Variants in TENM2 observed in about 807,000 individuals in gnomAD.
TENM2 encodes teneurin-2.
TENM2 carries 52 observed loss-of-function variants against 245.2 expected under a neutral mutation model. The ratio of observed to expected loss-of-function variants is 0.21; its 90% CI spans 0.17 to 0.27. The LOEUF (loss-of-function observed/expected upper bound fraction) is 0.27. Among genes scored for constraint, TENM2 ranks in the 10% least tolerant of loss-of-function variants. The pLI is 1.00. For missense variants in TENM2, 3,046 were observed against 3,666.8 expected, an observed-to-expected ratio of 0.83 and a Z score of 4.37; for synonymous variants, 1,363 against 1,438.9, an observed-to-expected ratio of 0.95 and a Z score of 1.19.
At chr5:168,070,824 AAAG>A (rs1790946159) in intron 7 of TENM2, among the ~76,000 whole-genome samples, 5 of 145,756 alleles carry the variant, frequency 3.4e-5, no homozygotes, top group East Asian at 3.9e-4. Context: ...AGAGAGAAAA[AAAG>A]AAAGAAGAAA....
At chr5:167,839,571 G>GTA (rs1769299138) in intron 2 of TENM2, among the ~76,000 whole-genome samples, 1 of 152,002 alleles carries the variant, frequency 6.6e-6, no homozygotes, top group Non-Finnish European at 1.5e-5. Flanking sequence ...GTGTGTGTGT[G>GTA]TGTATGTATG....
chr5:167,631,169 G>GA (rs974387393), intron 2 of TENM2, among the ~76,000 whole-genome samples: 6 of 150,588 alleles, frequency 4.0e-5, no homozygotes, highest in South Asian at 2.1e-4. Flanking sequence ...TTACAGTTGA[G>GA]AAAAAAAAAG....
rs528403484 is a variant in TENM2 at position 168,108,242 on chromosome 5, G to C, written c.1814-10050G>C. On this transcript the variant is annotated intron_variant, in intron 9 of 28. Transcript: ENST00000518659. Reference sequence around the variant, plus strand: ...GGAATGAAAAAAGAATGAAAGAAAAGTTTACAGAAAAGAAATGCCATTTAT... The same window carrying C: ...GGAATGAAAAAAGAATGAAAGAAAACTTTACAGAAAAGAAATGCCATTTAT... Among the ~76,000 whole-genome samples the C allele has an allele frequency of 2.0e-5, 3 of 152,192 alleles. No individual in the cohort carries two copies. The East Asian group carries it at 5.8e-4, about 29-fold the overall frequency.
At chr5:168,152,052 C>T (rs1421668674) in intron 12 of TENM2, among the ~76,000 whole-genome samples, 1 of 152,306 alleles carries the variant, frequency 6.6e-6, no homozygotes, top group East Asian at 1.9e-4. Context: ...CACCATGAAC[C>T]CACCCTGCTA....
In TENM2 at chr5:168,159,498, A is replaced by C. The variant is rs62383438; in HGVS notation, c.2423-3113A>C. On this transcript the variant is annotated intron_variant, in intron 12 of 28. Transcript: ENST00000518659. ...CTACCTCATACCCATTTTGCCCTCC[A>C]GACTAATTACTTCCTAGGTTTTGTT... is the stretch of plus-strand genomic sequence containing the variant. 3.4e-3 allele frequency among the ~76,000 whole-genome samples: 513 copies of C among 152,298 alleles called. 3 individuals are homozygous for C. Among genetic ancestry groups the C allele is most frequent in the South Asian group, 9.7e-3 (47 of 4,822 alleles).
chr5:168,171,846 G>A (rs984929837), intron 13 of TENM2, among the ~76,000 whole-genome samples: 1 of 152,238 alleles, frequency 6.6e-6, no homozygotes, highest in East Asian at 1.9e-4. Flanking sequence ...CTGGTGGCAA[G>A]GAGGTGATAT....
chr5:168,260,431 C>T lies in TENM2; in HGVS notation c.7563+18C>T. 1 of 1,612,124 alleles carries T rather than the reference C, an allele frequency of 6.2e-7. No homozygotes were observed. The highest frequency in any genetic ancestry group is 1.1e-5 in the South Asian group (1 of 90,824). ...ATGGACAGGTAAGCAGAGGTTCCTG[C>T]CAAGAATCCAAATGATTGTCATCAT... On this transcript the variant is annotated intron_variant, in intron 28 of 28. Coordinates refer to ENST00000518659, the Ensembl canonical transcript of TENM2.
chr5:167,683,537 T>C (rs1017424952), intron 2 of TENM2, among the ~76,000 whole-genome samples: 1 of 152,220 alleles, frequency 6.6e-6, no homozygotes, highest in Non-Finnish European at 1.5e-5. Context: ...AAGCTACTGA[T>C]AATTGGGTTT....
At chr5:167,628,007 G>A (rs893676761) in intron 2 of TENM2, among the ~76,000 whole-genome samples, 6 of 152,160 alleles carry the variant, frequency 3.9e-5, no homozygotes, top group Admixed American at 1.3e-4. Context: ...AGAACTTTAC[G>A]GTAGAACGGC....
At chr5:168,133,297 G>A (rs1435692177) in intron 12 of TENM2, among the ~76,000 whole-genome samples, 1 of 152,222 alleles carries the variant, frequency 6.6e-6, no homozygotes, top group Non-Finnish European at 1.5e-5. Context: ...AAAGTAGGTA[G>A]TGATATTAGG....
chr5:168,234,917 G>A (rs1023398198), intron 25 of TENM2, among the ~76,000 whole-genome samples: 1 of 152,152 alleles, frequency 6.6e-6, no homozygotes, highest in South Asian at 2.1e-4. Context: ...AAGAAGAAGT[G>A]GGAGTTAGTA....
At chr5:167,210,986 T>G in the TENM2 span, among the ~76,000 whole-genome samples, 2 of 152,060 alleles carry the variant, frequency 1.3e-5, no homozygotes, top group African/African-American at 4.8e-5. Flanking sequence ...CAGAGTAGAC[T>G]GTGGGAAGTG....
At chr5:167,362,822 T>A (rs952591424) in intron 1 of TENM2, among the ~76,000 whole-genome samples, 1 of 152,194 alleles carries the variant, frequency 6.6e-6, no homozygotes, top group Non-Finnish European at 1.5e-5. Context: ...TAGAACCCCA[T>A]TTCATTGCTT....
chr5:167,145,734 T>C, the TENM2 span, among the ~76,000 whole-genome samples: 1 of 152,204 alleles, frequency 6.6e-6, no homozygotes, highest in African/African-American at 2.4e-5. Flanking sequence ...TCTTGTGTCA[T>C]ACAATGCCAA....
intron 2 of TENM2, among the ~76,000 whole-genome samples, chr5:167,730,864 A>G (rs1760375028): frequency 6.6e-6 from 1 of 152,194 alleles, no homozygotes; most frequent in Non-Finnish European, 1.5e-5. Context: ...AATTTATGCA[A>G]CATGAACTGC....
At chr5:167,729,539 A>T (rs1373589933) in intron 2 of TENM2, among the ~76,000 whole-genome samples, 1 of 152,202 alleles carries the variant, frequency 6.6e-6, no homozygotes, top group Non-Finnish European at 1.5e-5. Context: ...TTAAAGGCTA[A>T]TGTAATTGGG....
intron 6 of TENM2, among the ~76,000 whole-genome samples, chr5:168,052,816 C>T (rs1409864151): frequency 1.6e-4 from 25 of 151,646 alleles, no homozygotes; most frequent in Non-Finnish European, 1.5e-5. Context: ...CCTTCCTACC[C>T]TTTGAAAAAA....
At chr5:168,260,506 G>GA (rs1768086786) in intron 28 of TENM2, 93 bp downstream of exon 30, 3 of 1,445,284 alleles carry the variant, frequency 2.1e-6, no homozygotes, top group Non-Finnish European at 2.9e-6. Flanking sequence ...GTCAGCGCAG[G>GA]AAAACATTGG....
chr5:167,184,895 G>A, the TENM2 span, among the ~76,000 whole-genome samples: 1 of 152,142 alleles, frequency 6.6e-6, no homozygotes, highest in Non-Finnish European at 1.5e-5. Context: ...AAAACACTTA[G>A]CTTTTCCCAG....
Sources: gnomAD v4.1 joint callset for allele counts (sites outside exome capture counted in the v4.1 genomes callset) on GRCh38, gnomAD v4.1.1 for gene constraint, MANE v1.5 for transcripts, NCBI Gene and HGNC (gene_info 2026-07-23, HGNC 2026-07-21) for gene names.